SLC5A9: variants seen among roughly 807,000 people sequenced by gnomAD.
SLC5A9 encodes the protein sodium/glucose cotransporter 4.
In SLC5A9, 59 loss-of-function variants were observed where a neutral mutation model predicts 70.9. The ratio of observed to expected loss-of-function variants is 0.83; its 90% CI spans 0.68 to 1.03. The LOEUF is 1.03. SLC5A9 is among the 50% of genes least tolerant of loss of function. The pLI is 0.00. For synonymous variants in SLC5A9, 340 were observed against 346.5 expected (o/e 0.98, Z 0.21); for missense variants, 832 against 881.1 (o/e 0.94, Z 0.71).
chr1:48,224,603 A>C, intron 1 of SLC5A9, 121 bp from the exon 2 acceptor site: 1 of 928,440 alleles, frequency 1.1e-6, no homozygotes, highest in Admixed American at 1.9e-5. Flanking sequence ...CTTCTGCCTC[A>C]GTTTTCACCC....
rs754993615 is a variant in SLC5A9 at position 48,247,463 on chromosome 1, C to G, written c.1966C>G (p.Pro656Ala). ...GAAGCTGACAAGCATTGAGGAGGAG[C>G]CACTCTGGAGACATGTCTGCAACAT... The part of the protein sequence containing the change: ...EQKLTSIEEE[P>A]LWRHVCNINA... Residue 656 changes from proline (P) to alanine (A), a missense_variant, in exon 14 of 14, where the codon CCA (proline) becomes GCA (alanine). Physicochemically the swap from Pro to Ala is conservative, Grantham distance 27. Transcript: ENST00000438567. The G allele has an allele frequency of 1.5e-5, 24 of 1,614,170 alleles. No homozygotes were observed. In the East Asian group the frequency reaches 5.1e-4, roughly 34 times the overall value.
At chr1:48,232,883 GAAAA>G (rs1018994598) in intron 8 of SLC5A9, among the ~76,000 whole-genome samples, 1 of 133,866 alleles carries the variant, frequency 7.5e-6, no homozygotes, top group Non-Finnish European at 1.6e-5. Flanking sequence ...GAAAGAAAAA[GAAAA>G]AGAAAGGAAG....
rs772136687 is a variant in SLC5A9, at chr1:48,232,044, C to A, written c.790C>A (p.Pro264Thr). 1.5e-5 allele frequency: 25 copies of A among 1,614,076 alleles called. No homozygotes were observed. The highest frequency in any genetic ancestry group is 1.6e-4 in the Middle Eastern group (1 of 6,084). The change falls in exon 7 of 14, where the codon CCC (proline) becomes ACC (threonine). Residue 264 changes from proline to threonine, a missense_variant. Coordinates refer to ENST00000438567, the MANE Select transcript of SLC5A9 (RefSeq NM_001011547.3). ...CAACACCACCTGTCACCTCCCACGG[C>A]CCGATGCTTTCCACATTCTTCGGGA... Reference protein sequence around the residue: ...VPNTTCHLPRPDAFHILRDPV... With the variant: ...VPNTTCHLPRTDAFHILRDPV...
intron 13 of SLC5A9, 146 bp downstream of exon 13, chr1:48,242,762 G>A (rs1644407656): frequency 2.6e-6 from 2 of 763,252 alleles, no homozygotes; most frequent in Non-Finnish European, 1.9e-6. Flanking sequence ...TGAACTATTT[G>A]AAAAATAAGA....
In SLC5A9 at chr1:48,222,755, G is replaced by GC. The variant is rs1644089024; in HGVS notation, c.20dup (p.Met8AsnfsTer13). On this transcript the variant is annotated frameshift_variant, in exon 1 of 14. Coordinates refer to ENST00000438567, the MANE Select transcript of SLC5A9 (RefSeq NM_001011547.3). LOFTEE classifies it high-confidence loss of function. ...CTAACAGATGAGCAAGGAGCTGGCA[G>GC]CAATGGGGCCTGGAGCTTCAGGGGA... The GC allele has an allele frequency of 1.2e-6, 2 of 1,614,182 alleles. No individual in the cohort carries two copies. Among genetic ancestry groups the GC allele is most frequent in the African/African-American group, 2.7e-5 (2 of 75,060 alleles).
chr1:48,229,618 A>AGAACAGCGGT, intron 4 of SLC5A9, 159 bp downstream of exon 4: 1 of 1,139,056 alleles, frequency 8.8e-7, no homozygotes, highest in Non-Finnish European at 1.2e-6. Flanking sequence ...CTGCCTCAGC[A>AGAACAGCGGT]CTGGGGTACT....
intron 13 of SLC5A9, among the ~76,000 whole-genome samples, chr1:48,246,391 G>T (rs553498444): frequency 6.6e-6 from 1 of 152,224 alleles, no homozygotes; most frequent in Admixed American, 6.5e-5. Flanking sequence ...GACACCCTGT[G>T]TATTGAACTT....
chr1:48,241,702 TTC>T (rs61544545), intron 12 of SLC5A9, among the ~76,000 whole-genome samples: 24,588 of 149,024 alleles, frequency 0.16, 2,331 homozygotes, highest in East Asian at 0.36. Flanking sequence ...TGTGTACATG[TTC>T]TCTCTCTCTC....
intron 1 of SLC5A9, 23 bp downstream of exon 1, chr1:48,222,921 G>C: frequency 6.2e-7 from 1 of 1,612,786 alleles, no homozygotes; most frequent in Non-Finnish European, 8.5e-7. Flanking sequence ...TGAGGCTGGG[G>C]CTAGCAGGGG....
intron 10 of SLC5A9, 80 bp from the exon 11 acceptor site, chr1:48,237,599 G>A: frequency 3.6e-6 from 5 of 1,396,720 alleles, no homozygotes; most frequent in Non-Finnish European, 5.0e-6. Flanking sequence ...CTCCCTTCCT[G>A]GTTCCTGTGC....
Position 48,228,872 on chromosome 1 carries a change from G to A in SLC5A9, c.257G>A (p.Ser86Asn). ...WWPIGASLMS[S>N]NVGSGLFIGL... ...CAGATTGGAGCATCTCTGATGTCCA[G>A]CAATGTGGGCAGTGGCTTGTTCATC... The change falls in exon 3 of 14, where the codon AGC becomes AAC. Residue 86 changes from serine to asparagine, a missense_variant. Physicochemically the swap from Ser to Asn is conservative, Grantham distance 46 (BLOSUM62 1). Coordinates refer to ENST00000438567, the MANE Select transcript of SLC5A9 (RefSeq NM_001011547.3). 6.2e-7 allele frequency: 1 copy of A among 1,613,842 alleles called. No homozygotes were observed. Among genetic ancestry groups the A allele is most frequent in the Non-Finnish European group, 8.5e-7 (1 of 1,179,944 alleles).
Position 48,227,106 on chromosome 1 carries a change from C to T in SLC5A9, c.235-1744C>T, listed in dbSNP as rs551187009. Among the ~76,000 whole-genome samples the T allele has an allele frequency of 9.9e-5, 15 of 150,948 alleles. No homozygotes were observed. The South Asian group carries it at 2.1e-3, about 21-fold the overall frequency. ...CTGTGCGTGTGAGGGCATATGAGGACATGTGCATGTGTGTGAGTGTATGTG... is the reference window on the plus strand; with the variant it reads ...CTGTGCGTGTGAGGGCATATGAGGATATGTGCATGTGTGTGAGTGTATGTG... On this transcript the variant is annotated intron_variant, in intron 2 of 13. Transcript: ENST00000438567.
Position 48,239,503 on chromosome 1 carries a change from T to C in SLC5A9, c.1643T>C (p.Val548Ala). ...CTCACTGCCATCGTCATTGTCATTG[T>C]CAGCCTCTGTACAACTCCCATCCCT... is the stretch of plus-strand genomic sequence containing the variant. ...CGLTAIVIVI[V>A]SLCTTPIPEE... Residue 548 changes from valine (V) to alanine (A), a missense_variant, in exon 12 of 14, where the codon GTC (valine) becomes GCC (alanine). By Grantham distance (64) the Val-to-Ala change is moderately conservative. Coordinates refer to ENST00000438567, the MANE Select transcript of SLC5A9 (RefSeq NM_001011547.3). This position sits in a 1 kb window ranked among gnomAD's most constrained non-coding sequence, Gnocchi z 4.2. 6.2e-7 allele frequency: 1 copy of C among 1,614,234 alleles called. No individual in the cohort carries two copies. Among genetic ancestry groups the C allele is most frequent in the Non-Finnish European group, 8.5e-7 (1 of 1,180,042 alleles).
intron 9 of SLC5A9, among the ~76,000 whole-genome samples, chr1:48,235,111 G>C (rs961524404): frequency 6.6e-6 from 1 of 152,170 alleles, no homozygotes; most frequent in Non-Finnish European, 1.5e-5. Flanking sequence ...AGAAACTTCA[G>C]ATACCAGTGG....
chr1:48,228,001 G>T (rs1037084920), intron 2 of SLC5A9: 4 of 151,894 alleles, frequency 2.6e-5, no homozygotes, highest in African/African-American at 9.7e-5. Flanking sequence ...CCAGGCTCCA[G>T]AGCCCCTTCC....
chr1:48,242,635 G>A lies in SLC5A9; in HGVS notation c.1837+19G>A, dbSNP rs200828040. 1.3e-4 allele frequency: 204 copies of A among 1,595,528 alleles called. No individual in the cohort carries two copies. The African/African-American group carries it at 2.5e-3, about 20-fold the overall frequency. ...CCTGAAGGTAGGCTGCGGCAGGCCG[G>A]GGGATACTCATCACAGAGGAACAGG... On this transcript the variant is annotated intron_variant, in intron 13 of 13. Coordinates refer to ENST00000438567, the MANE Select transcript of SLC5A9 (RefSeq NM_001011547.3).
chr1:48,238,156 C>A (rs1644352733), intron 11 of SLC5A9, among the ~76,000 whole-genome samples: 1 of 152,116 alleles, frequency 6.6e-6, no homozygotes, highest in Non-Finnish European at 1.5e-5. Flanking sequence ...GGCACAAGCA[C>A]CTAACCTATG....
In SLC5A9 at chr1:48,235,759, T is replaced by C; in HGVS notation, c.1172T>C (p.Met391Thr). The C allele has an allele frequency of 1.9e-6, 3 of 1,614,238 alleles. No individual in the cohort carries two copies. Among genetic ancestry groups the C allele is most frequent in the Non-Finnish European group, 2.5e-6 (3 of 1,180,046 alleles). The change falls in exon 10 of 14, where the codon ATG becomes ACG. Residue 391 changes from methionine to threonine, a missense_variant. By Grantham distance (81) the Met-to-Thr change is moderately conservative. Transcript: ENST00000438567. ...CGGGGGCTGATGATTGCCGTGATCA[T>C]GGCCGCTCTCATGAGCTCACTCACC... is the stretch of plus-strand genomic sequence containing the variant. ...GLRGLMIAVI[M>T]AALMSSLTSI...
intron 10 of SLC5A9, among the ~76,000 whole-genome samples, chr1:48,236,640 G>A (rs1644331682): frequency 6.6e-6 from 1 of 152,196 alleles, no homozygotes; most frequent in Non-Finnish European, 1.5e-5. Context: ...TGGATTTCTG[G>A]ACTAAAGTTC....
Sources: allele counts gnomAD v4.1 joint callset (sites outside exome capture counted in the v4.1 genomes callset), GRCh38; gene constraint gnomAD v4.1.1; non-coding constraint Gnocchi (gnomAD v3.1); transcripts MANE v1.5; gene names NCBI Gene and HGNC (gene_info 2026-07-23, HGNC 2026-07-21).